CACNA2D3: variants seen among roughly 807,000 people sequenced by gnomAD.
CACNA2D3 encodes the protein voltage-dependent calcium channel subunit alpha-2/delta-3.
A neutral mutation model predicts 160.6 loss-of-function variants in CACNA2D3; 60 were observed. The ratio of observed to expected loss-of-function variants is 0.37; its 90% CI spans 0.30 to 0.46. The LOEUF is 0.46. Ranked by LOEUF, CACNA2D3 falls within the 20% of genes least tolerant of loss-of-function variation. The pLI, the probability that CACNA2D3 is intolerant of heterozygous loss-of-function variation, is 1.00. For missense variants in CACNA2D3, 1,205 were observed against 1,365.0 expected, an observed-to-expected ratio of 0.88 and a Z score of 1.85; for synonymous variants, 558 against 492.9, an observed-to-expected ratio of 1.13 and a Z score of -1.75.
At chr3:54,870,602 G>A (rs528038163) in intron 17 of CACNA2D3, among the ~76,000 whole-genome samples, 34 of 152,270 alleles carry the variant, frequency 2.2e-4, no homozygotes, top group African/African-American at 7.0e-4. Flanking sequence ...ACACAAGAAC[G>A]TCCGGTCGAT....
At chr3:54,128,228 A>G (rs555726130) in intron 2 of CACNA2D3, among the ~76,000 whole-genome samples, 4 of 152,302 alleles carry the variant, frequency 2.6e-5, no homozygotes, top group Non-Finnish European at 5.9e-5. Flanking sequence ...ACCACCTGAT[A>G]ATTCTGAAAT....
At position 54,386,860 on chromosome 3, in the gene CACNA2D3, CA is replaced by C; in HGVS notation, c.381+87del. On this transcript the variant is annotated intron_variant, in intron 4 of 37. Transcript: ENST00000474759. ...AGGTATACCAGGAATACTGATTTTT[CA>C]GTGATTGGGAGGGAGAGGCTTTTGA... 4.8e-6 allele frequency: 6 copies of C among 1,259,204 alleles called. No individual in the cohort carries two copies. In the Admixed American group the frequency reaches 1.1e-4, roughly 23 times the overall value. 78.0% of individuals were successfully genotyped at this position (1,259,204 alleles called of 1,614,324 possible).
At chr3:54,281,812 G>A (rs1294471608) in intron 2 of CACNA2D3, among the ~76,000 whole-genome samples, 1 of 152,178 alleles carries the variant, frequency 6.6e-6, no homozygotes, top group Non-Finnish European at 1.5e-5. Flanking sequence ...AGTTAAGAAT[G>A]GATGTTCAGT....
intron 10 of CACNA2D3, chr3:54,638,509 G>C (rs1218113206): frequency 6.6e-6 from 1 of 151,934 alleles, no homozygotes; most frequent in Non-Finnish European, 1.5e-5. Flanking sequence ...GAAGAATTGG[G>C]ACCTAGCTCG....
At chr3:54,761,542 C>A (rs1185009363) in intron 12 of CACNA2D3, among the ~76,000 whole-genome samples, 2 of 152,242 alleles carry the variant, frequency 1.3e-5, no homozygotes, top group African/African-American at 4.8e-5. Flanking sequence ...TCCTTTCCGA[C>A]CATGCCTCTA....
At chr3:54,859,537 C>T (rs1440150353) in intron 17 of CACNA2D3, among the ~76,000 whole-genome samples, 1 of 152,192 alleles carries the variant, frequency 6.6e-6, no homozygotes, top group East Asian at 1.9e-4. Flanking sequence ...ACTTGTCCCT[C>T]TCTCCTAGAG....
chr3:54,912,715 C>T (rs1700585338), intron 27 of CACNA2D3, among the ~76,000 whole-genome samples: 1 of 152,062 alleles, frequency 6.6e-6, no homozygotes, highest in Admixed American at 6.6e-5. Context: ...TGTTCACCAC[C>T]TGATATGATT....
intron 9 of CACNA2D3, among the ~76,000 whole-genome samples, chr3:54,584,075 C>G (rs1377026963): frequency 6.6e-6 from 1 of 151,954 alleles, no homozygotes; most frequent in Non-Finnish European, 1.5e-5. Context: ...ATGCATACCC[C>G]CTTGGCCCTT....
At chr3:54,720,898 A>G (rs1701156322) in intron 11 of CACNA2D3, among the ~76,000 whole-genome samples, 1 of 152,186 alleles carries the variant, frequency 6.6e-6, no homozygotes, top group Admixed American at 6.5e-5. Flanking sequence ...GTAAAAAGAA[A>G]GGACAAGATA....
At chr3:54,210,736 T>G (rs1701357510) in intron 2 of CACNA2D3, among the ~76,000 whole-genome samples, 1 of 152,178 alleles carries the variant, frequency 6.6e-6, no homozygotes. Context: ...CTCAGCCTTC[T>G]GTTGTTCATT....
At chr3:54,491,867 C>T (rs1035481966) in intron 4 of CACNA2D3, among the ~76,000 whole-genome samples, 2 of 152,024 alleles carry the variant, frequency 1.3e-5, no homozygotes, top group African/African-American at 4.8e-5. Flanking sequence ...TTTTGAAGGA[C>T]GTAGGTGGTG....
At chr3:54,326,556 G>A (rs182368868) in intron 3 of CACNA2D3, among the ~76,000 whole-genome samples, 4 of 152,264 alleles carry the variant, frequency 2.6e-5, no homozygotes, top group East Asian at 3.9e-4. Flanking sequence ...TGTGTTTGAG[G>A]CATACTTTCA....
intron 4 of CACNA2D3, among the ~76,000 whole-genome samples, chr3:54,502,176 G>A (rs2106943471): frequency 6.6e-6 from 1 of 152,110 alleles, no homozygotes; most frequent in Non-Finnish European, 1.5e-5. Flanking sequence ...CTTGATTTTT[G>A]TCATTAATTT....
At chr3:54,907,170 G>A (rs927000999) in intron 27 of CACNA2D3, among the ~76,000 whole-genome samples, 1 of 152,128 alleles carries the variant, frequency 6.6e-6, no homozygotes, top group African/African-American at 2.4e-5. Flanking sequence ...AGCAAGTTAA[G>A]CCACTTCTTT....
At chr3:54,924,894 AGT>A (rs1242082065) in intron 27 of CACNA2D3, 1 of 1,613,794 alleles carries the variant, frequency 6.2e-7, no homozygotes. Context: ...CAGGGAAAGG[AGT>A]GAATTCTGGG....
intron 5 of CACNA2D3, among the ~76,000 whole-genome samples, chr3:54,527,928 T>G (rs1437460223): frequency 6.6e-6 from 1 of 152,214 alleles, no homozygotes; most frequent in Non-Finnish European, 1.5e-5. Flanking sequence ...TATATGCCCT[T>G]AGGACCAATT....
At chr3:54,621,241 T>C (rs772280631) in intron 9 of CACNA2D3, among the ~76,000 whole-genome samples, 4 of 152,176 alleles carry the variant, frequency 2.6e-5, no homozygotes, top group Non-Finnish European at 4.4e-5. Flanking sequence ...AAAAAAAACA[T>C]GATTGCTGTG....
In CACNA2D3 at chr3:54,809,380, G is replaced by A. The variant is rs1369099545; in HGVS notation, c.1381-7473G>A. On this transcript the variant is annotated intron_variant, in intron 13 of 37. Coordinates refer to ENST00000474759, the MANE Select transcript of CACNA2D3 (RefSeq NM_018398.3). ...AGGTCGGACTGCGGACTGCAGTGGCGCAATCTCGGCTCACTGCAAGCTCCG... is the reference window on the plus strand; with the variant it reads ...AGGTCGGACTGCGGACTGCAGTGGCACAATCTCGGCTCACTGCAAGCTCCG... Among the ~76,000 whole-genome samples, 14 of 122,540 alleles carry A rather than the reference G, an allele frequency of 1.1e-4. 1 individual carries two copies. Among genetic ancestry groups the A allele is most frequent in the South Asian group, 2.7e-4 (1 of 3,690 alleles). The allele number at this position is 122,540 out of a possible 152,430, so 80.4% of individuals were successfully genotyped here.
At chr3:54,207,302 A>G (rs929025541) in intron 2 of CACNA2D3, among the ~76,000 whole-genome samples, 3 of 150,724 alleles carry the variant, frequency 2.0e-5, no homozygotes, top group Non-Finnish European at 4.4e-5. Flanking sequence ...TCCTCACCAG[A>G]AAAGTGAAGC....
Sources: allele counts gnomAD v4.1 joint callset (sites outside exome capture counted in the v4.1 genomes callset), GRCh38; gene constraint gnomAD v4.1.1; transcripts MANE v1.5; gene names NCBI Gene and HGNC (gene_info 2026-07-23, HGNC 2026-07-21).